Variants in ABCB4 observed in about 807,000 individuals in gnomAD.
ABCB4 encodes ATP binding cassette subfamily B member 4, also known as phosphatidylcholine translocator ABCB4.
A neutral mutation model predicts 145.7 loss-of-function variants in ABCB4; 76 were observed. That is an observed-to-expected ratio of 0.52 (90% CI 0.43 to 0.63). ABCB4 has a LOEUF of 0.63. ABCB4 is among the 30% of genes least tolerant of loss of function. ABCB4 has a pLI of 0.00. For missense variants in ABCB4, 1,234 were observed against 1,553.1 expected (o/e 0.79, Z 3.45); for synonymous variants, 517 against 566.8 (o/e 0.91, Z 1.25).
downstream of ABCB4, chr7:87,399,344 A>C (rs1350175886): frequency 6.6e-6 from 1 of 152,282 alleles, no homozygotes; most frequent in African/African-American, 2.4e-5. Flanking sequence ...ATGGTGGTGC[A>C]TGTGTGCCTG....
At chr7:87,378,054 G>A in the ABCB4 span, among the ~76,000 whole-genome samples, 3 of 151,992 alleles carry the variant, frequency 2.0e-5, no homozygotes, top group Non-Finnish European at 4.4e-5. Flanking sequence ...TTTTATAAAG[G>A]GGTTTGGGGC....
the ABCB4 span, among the ~76,000 whole-genome samples, chr7:87,389,713 T>A: frequency 6.6e-6 from 1 of 152,202 alleles, no homozygotes; most frequent in African/African-American, 2.4e-5. Flanking sequence ...ATGGCACATG[T>A]ATACCTATGT....
rs148865252 is a variant in ABCB4 at position 87,420,052 on chromosome 7, G to T, written c.2340C>A (p.Gly780=). 18 of 1,613,938 alleles carry T rather than the reference G, an allele frequency of 1.1e-5. No homozygotes were observed. The highest frequency in any genetic ancestry group is 4.0e-5 in the African/African-American group (3 of 74,906). ...FLQGFTFGKA[G]EILTRRLRSM... ...ACCGCAGTCTTCTGGTGAGGATCTC[G>T]CCAGCTTTCCCAAACGTGAAACCCT... Residue 780 remains glycine (G), a synonymous_variant, in exon 19 of 28, where the codon GGC becomes GGA. Transcript: ENST00000649586.
At chr7:87,430,518 G>A (rs1022437053) in intron 15 of ABCB4, among the ~76,000 whole-genome samples, 13 of 151,980 alleles carry the variant, frequency 8.6e-5, no homozygotes, top group Admixed American at 3.9e-4. Context: ...GAATGAATGA[G>A]TGCTCTTTTC....
At position 87,402,452 on chromosome 7, in the gene ABCB4, A is replaced by C. The variant is rs144886245; in HGVS notation, c.3634-150T>G. On this transcript the variant is annotated intron_variant, in intron 27 of 27. Coordinates refer to ENST00000649586, the MANE Select transcript of ABCB4 (RefSeq NM_000443.4). Reference sequence around the variant, plus strand: ...ACTTTATGCATGTGTATTTTGTATAATCAACATTTAATCTACATAGTTATG... The same window carrying C: ...ACTTTATGCATGTGTATTTTGTATACTCAACATTTAATCTACATAGTTATG... The C allele has an allele frequency of 1.9e-4, 194 of 998,330 alleles. No individual in the cohort carries two copies. The African/African-American group carries it at 2.7e-3, about 14-fold the overall frequency. The allele number at this position is 998,330 out of a possible 1,614,324, so 61.8% of individuals were successfully genotyped here.
chr7:87,462,996 G>A (rs1812567917), intron 3 of ABCB4, 88 bp from the exon 4 acceptor site: 1 of 1,254,922 alleles, frequency 8.0e-7, no homozygotes. Context: ...TTTATTTAAA[G>A]TCAGTACTTT....
the ABCB4 span, chr7:87,381,864 T>A: frequency 1.5e-6 from 2 of 1,331,402 alleles, no homozygotes; most frequent in Non-Finnish European, 2.1e-6. Context: ...GGTCAAGTTT[T>A]AAGTTGACAT....
chr7:87,386,545 C>G, the ABCB4 span, among the ~76,000 whole-genome samples: 2 of 152,096 alleles, frequency 1.3e-5, no homozygotes, highest in Non-Finnish European at 2.9e-5. Context: ...TGAGTCTTTT[C>G]CTTTTTCCTT....
the ABCB4 span, among the ~76,000 whole-genome samples, chr7:87,394,142 A>C: frequency 6.6e-6 from 1 of 152,212 alleles, no homozygotes; most frequent in African/African-American, 2.4e-5. Context: ...GTTTTCAATC[A>C]TAATTGCATT....
At chr7:87,475,699 C>CCTG, upstream of ABCB4, 1 of 489,348 alleles carries the variant, frequency 2.0e-6, no homozygotes. Context: ...GGGGCCTGGA[C>CCTG]TTTGCTCGCC....
At chr7:87,369,580 C>A in the ABCB4 span, 4 of 611,972 alleles carry the variant, frequency 6.5e-6, no homozygotes, top group African/African-American at 3.8e-5. Context: ...TGATAGTAAG[C>A]TGAAAAATAA....
intron 4 of ABCB4, among the ~76,000 whole-genome samples, chr7:87,459,588 T>G (rs932608289): frequency 6.6e-6 from 1 of 152,166 alleles, no homozygotes; most frequent in Non-Finnish European, 1.5e-5. Context: ...ATTTAAAATT[T>G]TTTTTTTACT....
chr7:87,375,966 C>CTT, the ABCB4 span: 1 of 1,457,942 alleles, frequency 6.9e-7, no homozygotes, highest in Non-Finnish European at 9.1e-7. Flanking sequence ...ACTTAACTAC[C>CTT]TTCTCTTTTT....
At chr7:87,419,214 A>G (rs4148828) in intron 19 of ABCB4, among the ~76,000 whole-genome samples, 13,650 of 152,234 alleles carry the variant, frequency 0.09, 801 homozygotes, top group East Asian at 0.16. Context: ...TTTCCTGCAT[A>G]GCAAGAGTTT....
At chr7:87,410,104 GA>G (rs974839340) in intron 23 of ABCB4, among the ~76,000 whole-genome samples, 31 of 151,408 alleles carry the variant, frequency 2.0e-4, no homozygotes, top group Non-Finnish European at 4.0e-4. Context: ...CAGCACTCTG[GA>G]AAAAAAAGTC....
At position 87,408,131 on chromosome 7, in the gene ABCB4, C is replaced by T; in HGVS notation, c.3185G>A (p.Gly1062Asp). Residue 1062 changes from glycine to aspartate, a missense_variant, in exon 25 of 28, where the codon GGC (glycine) becomes GAC (aspartate). Physicochemically the swap from Gly to Asp is moderately conservative, Grantham distance 94. Coordinates refer to ENST00000649586, the MANE Select transcript of ABCB4 (RefSeq NM_000443.4). ...LQGLSLEVKK[G>D]QTLALVGSSG... ...GCTGCCCACCAGGGCTAGTGTCTGG[C>T]CTTTCTTCACCTCCAGGCTCAGCCC... The T allele has an allele frequency of 1.9e-6, 3 of 1,614,252 alleles. No homozygotes were observed. Among genetic ancestry groups the T allele is most frequent in the African/African-American group, 2.7e-5 (2 of 75,058 alleles).
rs1429304778 is a variant in ABCB4, at chr7:87,426,761, T to C, written c.2053A>G (p.Thr685Ala). The change falls in exon 16 of 28, where the codon ACC (threonine) becomes GCC (alanine). Residue 685 changes from threonine to alanine, a missense_variant. By Grantham distance (58) the Thr-to-Ala change is moderately conservative. Around this residue, in one of 7 missense-constraint regions of ABCB4, gnomAD observed 321 missense variants for 332.6 expected, o/e 0.97. Transcript: ENST00000649586. ...GAAAAACAACTTACAAGTCCATCGGTTTCCACATCAAGGCTCTTCTGACAC... is the reference window on the plus strand; with the variant it reads ...GAAAAACAACTTACAAGTCCATCGGCTTCCACATCAAGGCTCTTCTGACAC... ...QMCQKSLDVE[T>A]DGLEANVPPV... is the part of the protein sequence containing the mutation. The C allele has an allele frequency of 1.2e-6, 2 of 1,613,884 alleles. No homozygotes were observed. Among genetic ancestry groups the C allele is most frequent in the Non-Finnish European group, 1.7e-6 (2 of 1,179,862 alleles).
chr7:87,426,080 GA>G (rs980672136), intron 16 of ABCB4, among the ~76,000 whole-genome samples: 5 of 151,552 alleles, frequency 3.3e-5, no homozygotes, highest in African/African-American at 4.8e-5. Flanking sequence ...CCATGTGATC[GA>G]ATTATGACCA....
intron 3 of ABCB4, among the ~76,000 whole-genome samples, chr7:87,463,428 G>A (rs1195495670): frequency 6.6e-6 from 1 of 152,204 alleles, no homozygotes; most frequent in Admixed American, 6.5e-5. Context: ...AAACATTACA[G>A]TGTGTCTATA....
Sources: gnomAD v4.1 joint callset for allele counts (sites outside exome capture counted in the v4.1 genomes callset) on GRCh38, gnomAD v4.1.1 for gene constraint, gnomAD v4.1.1 regional missense constraint, MANE v1.5 for transcripts, NCBI Gene and HGNC (gene_info 2026-07-23, HGNC 2026-07-21) for gene names.